Variants in CLCN3 observed in about 807,000 individuals in gnomAD.
CLCN3 encodes H(+)/Cl(-) exchange transporter 3.
A neutral mutation model predicts 83.4 loss-of-function variants in CLCN3; 16 were observed. The ratio of observed to expected loss-of-function variants is 0.19; its 90% CI spans 0.13 to 0.29. CLCN3 has a LOEUF of 0.29. CLCN3 is among the 10% of genes least tolerant of loss of function. CLCN3 has a pLI of 1.00. For synonymous variants in CLCN3, 322 were observed against 346.2 expected (o/e 0.93, Z 0.78); for missense variants, 544 against 1,006.0 (o/e 0.54, Z 6.21).
At chr4:169,668,661 G>T (rs1211886403) in intron 2 of CLCN3, among the ~76,000 whole-genome samples, 3 of 151,728 alleles carry the variant, frequency 2.0e-5, no homozygotes, top group African/African-American at 4.8e-5. Flanking sequence ...TCAGCCAGGA[G>T]ATAGTAGAGT....
intron 2 of CLCN3, among the ~76,000 whole-genome samples, chr4:169,664,534 A>G (rs1177394787): frequency 6.6e-6 from 1 of 152,216 alleles, no homozygotes; most frequent in Non-Finnish European, 1.5e-5. Context: ...TTATCCAACT[A>G]GAAAATTAAA....
At chr4:169,672,178 C>T (rs1344516891) in intron 2 of CLCN3, among the ~76,000 whole-genome samples, 5 of 150,778 alleles carry the variant, frequency 3.3e-5, no homozygotes, top group African/African-American at 4.9e-5. Context: ...CGCCACTGCA[C>T]TCCAGCCTGG....
chr4:169,653,958 G>A (rs969148905), intron 2 of CLCN3, among the ~76,000 whole-genome samples: 10 of 152,096 alleles, frequency 6.6e-5, no homozygotes, highest in Admixed American at 1.3e-4. Context: ...ACTGGAAATC[G>A]CATTTCAACA....
At chr4:169,664,683 A>T (rs1262493566) in intron 2 of CLCN3, among the ~76,000 whole-genome samples, 1 of 152,244 alleles carries the variant, frequency 6.6e-6, no homozygotes, top group Non-Finnish European at 1.5e-5. Flanking sequence ...CTTTTCCCAC[A>T]GTATCTGAAT....
At chr4:169,630,173 G>A (rs761050812) in intron 1 of CLCN3, among the ~76,000 whole-genome samples, 4 of 152,162 alleles carry the variant, frequency 2.6e-5, no homozygotes, top group Admixed American at 6.5e-5. Context: ...AGATGTGCAG[G>A]TTTATTCCAT....
At chr4:169,626,295 C>T (rs1773233243) in intron 1 of CLCN3, among the ~76,000 whole-genome samples, 1 of 152,228 alleles carries the variant, frequency 6.6e-6, no homozygotes, top group Admixed American at 6.5e-5. Context: ...TGGTGCGCCA[C>T]CTTCCAGGAG....
At chr4:169,686,199 C>T (rs997129961) in intron 3 of CLCN3, among the ~76,000 whole-genome samples, 1 of 151,886 alleles carries the variant, frequency 6.6e-6, no homozygotes, top group Non-Finnish European at 1.5e-5. Flanking sequence ...GGAGGGATAG[C>T]ATTAGGAGAT....
rs532016973 is a variant in CLCN3, at chr4:169,667,906, C to T, written c.161-12144C>T. 3.3e-4 allele frequency among the ~76,000 whole-genome samples: 50 copies of T among 151,456 alleles called. No individual in the cohort carries two copies. The Middle Eastern group carries it at 0.01, about 31-fold the overall frequency. On this transcript the variant is annotated intron_variant, in intron 2 of 12. Transcript: ENST00000513761. ...GACTACAGGCATATGCCACTATGCCCGCCTGATTTTTTTTAGTAGAGATGG... is the reference window on the plus strand; with the variant it reads ...GACTACAGGCATATGCCACTATGCCTGCCTGATTTTTTTTAGTAGAGATGG...
chr4:169,688,546 C>T (rs552829283), intron 4 of CLCN3, among the ~76,000 whole-genome samples: 1 of 152,046 alleles, frequency 6.6e-6, no homozygotes, highest in African/African-American at 2.4e-5. Flanking sequence ...TAAGAAGGAC[C>T]CAGATTTGAC....
chr4:169,653,640 CAAAAA>C (rs70964215), intron 2 of CLCN3, among the ~76,000 whole-genome samples: 2 of 73,574 alleles, frequency 2.7e-5, no homozygotes, highest in African/African-American at 6.1e-5. Context: ...GACTCCGTCT[CAAAAA>C]AAAAAAAAAA....
At chr4:169,650,281 T>C (rs577601556) in intron 2 of CLCN3, among the ~76,000 whole-genome samples, 2 of 152,292 alleles carry the variant, frequency 1.3e-5, no homozygotes, top group Middle Eastern at 3.4e-3. Flanking sequence ...TGTAGATTTA[T>C]AAGCACAGAA....
intron 3 of CLCN3, chr4:169,680,528 C>T (rs535043805): frequency 9.5e-6 from 2 of 211,496 alleles, no homozygotes; most frequent in South Asian, 2.0e-4. Context: ...TGGAGGTCAG[C>T]ATGATTTTGG....
At chr4:169,681,244 C>T (rs1337314554) in intron 3 of CLCN3, among the ~76,000 whole-genome samples, 37 of 152,090 alleles carry the variant, frequency 2.4e-4, no homozygotes, top group Non-Finnish European at 8.8e-5. Context: ...GATGAAGTTT[C>T]GCCATGTTGG....
At chr4:169,664,328 A>T (rs1490955840) in intron 2 of CLCN3, among the ~76,000 whole-genome samples, 1 of 152,192 alleles carries the variant, frequency 6.6e-6, no homozygotes, top group Non-Finnish European at 1.5e-5. Flanking sequence ...GTGTATCTAA[A>T]TAAAGCTTTT....
chr4:169,670,768 G>T (rs1171541024), intron 2 of CLCN3, among the ~76,000 whole-genome samples: 7 of 152,114 alleles, frequency 4.6e-5, no homozygotes. Flanking sequence ...TTTTCCATTT[G>T]TTTGTGTCGT....
intron 2 of CLCN3, among the ~76,000 whole-genome samples, chr4:169,642,001 A>C (rs1429231705): frequency 1.3e-5 from 2 of 152,238 alleles, no homozygotes; most frequent in East Asian, 3.8e-4. Context: ...TCTGACACAG[A>C]TGAAGCAAAG....
intron 2 of CLCN3, among the ~76,000 whole-genome samples, chr4:169,649,023 T>TA (rs34046047): frequency 0.049 from 6,768 of 136,998 alleles, 199 homozygotes; most frequent in African/African-American, 0.094. Context: ...GGAGAATATC[T>TA]AAAAAAAAAA....
At chr4:169,652,152 A>G (rs1730749277) in intron 2 of CLCN3, among the ~76,000 whole-genome samples, 1 of 152,220 alleles carries the variant, frequency 6.6e-6, no homozygotes, top group Non-Finnish European at 1.5e-5. Context: ...ACAATAAAGC[A>G]TAACCATATT....
chr4:169,640,370 T>C (rs572918599), intron 2 of CLCN3, among the ~76,000 whole-genome samples: 2 of 152,340 alleles, frequency 1.3e-5, no homozygotes, highest in African/African-American at 4.8e-5. Context: ...TCAGTAGATA[T>C]CTGTTGCATA....
Sources: gnomAD v4.1 joint callset for allele counts (sites outside exome capture counted in the v4.1 genomes callset) on GRCh38, gnomAD v4.1.1 for gene constraint, MANE v1.5 for transcripts, NCBI Gene and HGNC (gene_info 2026-07-23, HGNC 2026-07-21) for gene names.